The following NTAN1 variants were observed in gnomAD, a reference collection of about 807,000 sequenced individuals.
NTAN1 encodes the protein protein N-terminal asparagine amidohydrolase.
Under a neutral mutation model 41.9 loss-of-function variants are expected in NTAN1, and 32 were observed. The observed-to-expected ratio is 0.76, with a 90% CI of 0.58 to 1.03. The LOEUF (loss-of-function observed/expected upper bound fraction) is 1.03. Ranked by LOEUF, NTAN1 falls within the 50% of genes least tolerant of loss-of-function variation. The pLI, the probability that NTAN1 is intolerant of heterozygous loss-of-function variation, is 0.00. For synonymous variants in NTAN1, 140 were observed against 139.5 expected (o/e 1.00, Z -0.03); for missense variants, 377 against 377.5 (o/e 1.00, Z 0.01).
intron 4 of NTAN1, chr16:15,045,745 G>T (rs2044034006): frequency 6.6e-6 from 1 of 152,286 alleles, no homozygotes; most frequent in South Asian, 2.1e-4. Context: ...CTTGAACCCA[G>T]TGTTTCCCAC....
intron 1 of NTAN1, among the ~76,000 whole-genome samples, chr16:15,050,770 G>A (rs547300832): frequency 1.6e-4 from 24 of 152,048 alleles, no homozygotes; most frequent in African/African-American, 5.5e-4. Flanking sequence ...AAGAAGAGAT[G>A]TAATAAACAT....
At chr16:15,054,729 C>A (rs1298873583) in intron 1 of NTAN1, among the ~76,000 whole-genome samples, 1 of 152,138 alleles carries the variant, frequency 6.6e-6, no homozygotes, top group Non-Finnish European at 1.5e-5. Flanking sequence ...CTTTACTGAG[C>A]GCCAATTCTA....
intron 3 of NTAN1, 34 bp from the exon 4 acceptor site, chr16:15,047,584 C>T: frequency 1.4e-6 from 2 of 1,470,792 alleles, no homozygotes; most frequent in East Asian, 4.5e-5. Context: ...TCAAGTTATT[C>T]CCTGATGCGA....
Position 15,055,951 on chromosome 16 carries a change from C to T in NTAN1, c.21G>A (p.Gly7=). MPLLVE[G]RRVRLPQSAG... ...CTGACTGCGGCAGCCGCACTCGCCG[C>T]CCCTCGACGAGCAGCGGCATCGCGG... The change falls in exon 1 of 10, where the codon GGG becomes GGA. Residue 7 remains glycine, a synonymous_variant. Coordinates refer to ENST00000287706, the MANE Select transcript of NTAN1 (RefSeq NM_173474.4). 1 of 1,230,190 alleles carries T rather than the reference C, an allele frequency of 8.1e-7. No homozygotes were observed. Among genetic ancestry groups the T allele is most frequent in the Non-Finnish European group, 1.0e-6 (1 of 986,030 alleles). 76.2% of individuals were successfully genotyped at this position (1,230,190 alleles called of 1,614,324 possible).
Position 15,044,419 on chromosome 16 carries a change from A to G in NTAN1, c.360-12T>C, listed in dbSNP as rs750522046. On this transcript the variant is annotated splice_polypyrimidine_tract_variant and intron_variant, in intron 4 of 9. Transcript: ENST00000287706. The stretch of plus-strand genomic sequence containing the variant: ...GGTGTACTTCCAGCCTGGCAAAGAG[A>G]TGAGACGGGTCAGAGGCCAGAAGAA... 7 of 1,601,800 alleles carry G rather than the reference A, an allele frequency of 4.4e-6. No homozygotes were observed. Among genetic ancestry groups the G allele is most frequent in the East Asian group, 4.5e-5 (2 of 44,784 alleles).
Position 15,038,061 on chromosome 16 carries a change from C to CAAGCCATCTTCATTT in NTAN1, c.888_902dup (p.Asn297_Leu301dup). ...TTCCTGGAGAAGAGATCTTTTCCCA[C>CAAGCCATCTTCATTT]AAGCCATCTTCATTTTTTTTGTAGA... is the stretch of plus-strand genomic sequence containing the variant. On this transcript the variant is annotated inframe_insertion, in exon 10 of 10. Coordinates refer to ENST00000287706, the MANE Select transcript of NTAN1 (RefSeq NM_173474.4). 6.2e-7 allele frequency: 1 copy of CAAGCCATCTTCATTT among 1,612,606 alleles called. No homozygotes were observed. The highest frequency in any genetic ancestry group is 1.1e-5 in the South Asian group (1 of 90,772).
intron 8 of NTAN1, among the ~76,000 whole-genome samples, chr16:15,038,917 G>A (rs143335275): frequency 5.9e-5 from 9 of 152,284 alleles, no homozygotes; most frequent in East Asian, 3.9e-4. Context: ...CCCACAGGAC[G>A]AGGGTGTTTT....
At chr16:15,055,251 G>T (rs756413461) in intron 1 of NTAN1, among the ~76,000 whole-genome samples, 4 of 152,176 alleles carry the variant, frequency 2.6e-5, no homozygotes, top group Non-Finnish European at 4.4e-5. Context: ...AGAGTTCAGA[G>T]ATCTATTTGA....
At chr16:15,039,670 T>C (rs1355808671) in intron 8 of NTAN1, among the ~76,000 whole-genome samples, 1 of 152,208 alleles carries the variant, frequency 6.6e-6, no homozygotes, top group African/African-American at 2.4e-5. Context: ...TTTGTAGAAC[T>C]TTATAGAAAA....
intron 4 of NTAN1, 104 bp downstream of exon 4, chr16:15,047,338 G>T: frequency 1.3e-6 from 1 of 772,892 alleles, no homozygotes; most frequent in South Asian, 1.5e-5. Context: ...AGGCAGACAC[G>T]GCAGTGGTGG....
intron 4 of NTAN1, among the ~76,000 whole-genome samples, chr16:15,047,002 C>T (rs887612786): frequency 2.0e-5 from 3 of 152,172 alleles, no homozygotes; most frequent in African/African-American, 4.8e-5. Flanking sequence ...TACAGTCTCT[C>T]GGCTTCGGAA....
chr16:15,039,919 T>A, intron 8 of NTAN1, 50 bp downstream of exon 8: 1 of 1,065,528 alleles, frequency 9.4e-7, no homozygotes, highest in East Asian at 2.4e-5. Flanking sequence ...GCCTTGACAT[T>A]TGATGCCTTT....
At chr16:15,047,378 G>C in intron 4 of NTAN1, 64 bp downstream of exon 4, 1 of 1,071,570 alleles carries the variant, frequency 9.3e-7, no homozygotes, top group Non-Finnish European at 1.5e-6. Flanking sequence ...AGCTTCCACA[G>C]CCACGTCCTG....
At chr16:15,039,186 C>T (rs183377870) in intron 8 of NTAN1, among the ~76,000 whole-genome samples, 1 of 152,334 alleles carries the variant, frequency 6.6e-6, no homozygotes, top group African/African-American at 2.4e-5. Context: ...CCAATGGCAG[C>T]CTCAGCTTAC....
At chr16:15,040,895 C>T (rs1417445816) in intron 7 of NTAN1, among the ~76,000 whole-genome samples, 173 bp downstream of exon 7, 3 of 152,082 alleles carry the variant, frequency 2.0e-5, no homozygotes, top group Non-Finnish European at 4.4e-5. Context: ...ATAGGTAAAG[C>T]TTAGAGAAGT....
intron 7 of NTAN1, chr16:15,040,388 G>C (rs973107804): frequency 6.7e-6 from 2 of 297,078 alleles, no homozygotes; most frequent in Non-Finnish European, 1.2e-5. Flanking sequence ...ACGGCCAGGG[G>C]TGGCTGGGTG....
intron 1 of NTAN1, among the ~76,000 whole-genome samples, chr16:15,053,612 T>C (rs1005156822): frequency 2.5e-4 from 38 of 152,154 alleles, no homozygotes; most frequent in African/African-American, 8.9e-4. Context: ...CCTGTTTTAT[T>C]ATATAAAAAT....
intron 1 of NTAN1, among the ~76,000 whole-genome samples, chr16:15,053,258 C>G (rs916015984): frequency 5.3e-5 from 8 of 152,238 alleles, no homozygotes; most frequent in African/African-American, 1.9e-4. Flanking sequence ...GGCCTGGGGC[C>G]AGTTTCCCAG....
Position 15,047,426 on chromosome 16 carries a change from G to A in NTAN1, c.359+16C>T. ...CCAAGATCTCAATTCACCTATGAGA[G>A]CAGCGTAGATCTCACCTTCCACATT... On this transcript the variant is annotated intron_variant, in intron 4 of 9. Transcript: ENST00000287706. 6.8e-7 allele frequency: 1 copy of A among 1,467,448 alleles called. No individual in the cohort carries two copies. Among genetic ancestry groups the A allele is most frequent in the Non-Finnish European group, 9.6e-7 (1 of 1,045,948 alleles). 90.9% of individuals were successfully genotyped at this position (1,467,448 alleles called of 1,614,324 possible). A position where few individuals can be genotyped will look rare whatever the true frequency, so the allele number is the denominator to read the frequency against.
Sources: gnomAD v4.1 joint callset for allele counts (sites outside exome capture counted in the v4.1 genomes callset) on GRCh38, gnomAD v4.1.1 for gene constraint, MANE v1.5 for transcripts, NCBI Gene and HGNC (gene_info 2026-07-23, HGNC 2026-07-21) for gene names.